DNAH17: variants seen among roughly 807,000 people sequenced by gnomAD.
DNAH17 encodes the protein axonemal beta dynein heavy chain 17.
In DNAH17, 376 loss-of-function variants were observed where a neutral mutation model predicts 485.6. That is an observed-to-expected ratio of 0.77 (90% confidence interval 0.71 to 0.84). The LOEUF is 0.84. Ranked by LOEUF, DNAH17 falls within the 40% of genes least tolerant of loss-of-function variation. The probability of loss-of-function intolerance (pLI) is 0.00; values close to 1 mark genes in which losing one functional copy is unlikely to be tolerated. For synonymous variants in DNAH17, 3,031 were observed against 2,405.9 expected (o/e 1.26, Z -7.60); for missense variants, 6,370 against 5,839.3 (o/e 1.09, Z -2.96).
chr17:78,433,817 G>A (rs1184923748), intron 75 of DNAH17, among the ~76,000 whole-genome samples: 2 of 152,102 alleles, frequency 1.3e-5, no homozygotes, highest in African/African-American at 4.8e-5. Flanking sequence ...AATTACAGCA[G>A]GCTGGAGAGA....
chr17:78,441,159 C>T lies in DNAH17; in HGVS notation c.11569G>A (p.Gly3857Ser). The T allele has an allele frequency of 6.2e-7, 1 of 1,613,928 alleles. No homozygotes were observed. Among genetic ancestry groups the T allele is most frequent in the Non-Finnish European group, 8.5e-7 (1 of 1,179,884 alleles). The stretch of plus-strand genomic sequence containing the variant: ...GACTTAGAAAACTCAACACTCCGGC[C>T]TTCCACGAACTTGCTGCCCATCTTT... ...EEKMGSKFVE[G>S]RSVEFSKSYE... The change falls in exon 72 of 81, where the codon GGC (glycine) becomes AGC (serine). Residue 3857 changes from glycine to serine, a missense_variant. Physicochemically the swap from Gly to Ser is moderately conservative, Grantham distance 56. Coordinates refer to ENST00000389840, the MANE Select transcript of DNAH17 (RefSeq NM_173628.4).
intron 44 of DNAH17, among the ~76,000 whole-genome samples, chr17:78,487,155 G>A (rs575569797): frequency 2.0e-5 from 3 of 152,192 alleles, no homozygotes; most frequent in East Asian, 3.9e-4. Context: ...ACGGCGGTGA[G>A]GGGTGTGGAC....
Position 78,458,424 on chromosome 17 carries a change from T to C in DNAH17, c.9977+141A>G, listed in dbSNP as rs1454080289. 12 of 686,488 alleles carry C rather than the reference T, an allele frequency of 1.7e-5. No homozygotes were observed. In the Admixed American group the frequency reaches 3.2e-4, roughly 18 times the overall value. The allele number at this position is 686,488 out of a possible 1,614,324, so 42.5% of individuals were successfully genotyped here. A position where few individuals can be genotyped will look rare whatever the true frequency, so the allele number is the denominator to read the frequency against. ...GCAAGAGGCCAAGTTTTATCCTAAT[T>C]ACTTTGAGCTCAAGAAGTGAAAGTG... On this transcript the variant is annotated intron_variant, in intron 62 of 80. Coordinates refer to ENST00000389840, the MANE Select transcript of DNAH17 (RefSeq NM_173628.4).
chr17:78,459,321 G>A (rs2087973542), intron 60 of DNAH17, 113 bp from the exon 61 acceptor site: 1 of 1,019,262 alleles, frequency 9.8e-7, no homozygotes, highest in Non-Finnish European at 1.5e-6. Context: ...GGGCAGCGCT[G>A]GGATTCACAC....
intron 58 of DNAH17, among the ~76,000 whole-genome samples, chr17:78,460,960 A>G (rs2088089920): frequency 1.3e-5 from 2 of 152,156 alleles, no homozygotes; most frequent in South Asian, 4.1e-4. Context: ...TGATGACAAA[A>G]AAAGCACCCA....
intron 19 of DNAH17, among the ~76,000 whole-genome samples, chr17:78,534,115 C>G (rs554512785): frequency 2.8e-4 from 42 of 152,382 alleles, no homozygotes; most frequent in African/African-American, 8.2e-4. Flanking sequence ...GCAAACCAGC[C>G]GACCCTCAAC....
At chr17:78,448,641 C>T (rs1390917273) in intron 69 of DNAH17, among the ~76,000 whole-genome samples, 1 of 152,196 alleles carries the variant, frequency 6.6e-6, no homozygotes, top group African/African-American at 2.4e-5. Context: ...CCCCAAAAAG[C>T]ATATGTTGGA....
intron 49 of DNAH17, 54 bp from the exon 50 acceptor site, chr17:78,479,686 G>A: frequency 6.2e-7 from 1 of 1,601,662 alleles, no homozygotes; most frequent in South Asian, 1.1e-5. Context: ...GACCTGCCTG[G>A]GGCCAGGGCC....
chr17:78,471,825 T>C (rs2146578587), intron 54 of DNAH17, among the ~76,000 whole-genome samples: 1 of 152,282 alleles, frequency 6.6e-6, no homozygotes, highest in Non-Finnish European at 1.5e-5. Context: ...CGTCCTCTTA[T>C]GCTGCTGAGG....
intron 71 of DNAH17, 38 bp downstream of exon 71, chr17:78,444,566 C>A (rs2146470521): frequency 2.0e-6 from 3 of 1,518,492 alleles, no homozygotes; most frequent in Non-Finnish European, 2.6e-6. Context: ...CAGGCCTGGG[C>A]CTCGGGGGCG....
intron 16 of DNAH17, among the ~76,000 whole-genome samples, chr17:78,547,081 C>A (rs1179245336): frequency 3.3e-5 from 5 of 152,138 alleles, no homozygotes; most frequent in African/African-American, 1.2e-4. Flanking sequence ...TTGCTTTTGA[C>A]TTTGGAATGT....
At chr17:78,462,250 TGGTAGGGG>T (rs1255846320) in intron 57 of DNAH17, among the ~76,000 whole-genome samples, 1 of 9,692 alleles carries the variant, frequency 1.0e-4, no homozygotes, top group Non-Finnish European at 2.0e-4. Flanking sequence ...AGCGAGAGTT[TGGTAGGGG>T]GGTGGGGGGG....
At chr17:78,530,183 T>G (rs1369042937) in intron 21 of DNAH17, among the ~76,000 whole-genome samples, 160 bp downstream of exon 21, 1 of 152,234 alleles carries the variant, frequency 6.6e-6, no homozygotes, top group Non-Finnish European at 1.5e-5. Context: ...GTGACACCTT[T>G]CTGCTCACGC....
At chr17:78,497,842 G>A (rs1218451217) in intron 37 of DNAH17, among the ~76,000 whole-genome samples, 1 of 152,182 alleles carries the variant, frequency 6.6e-6, no homozygotes, top group African/African-American at 2.4e-5. Context: ...GGTTAAGTTG[G>A]TGTATAAAGC....
rs970799853 is a variant in DNAH17, at chr17:78,505,314, C to G, written c.4935G>C (p.Gln1645His). The G allele has an allele frequency of 1.5e-5, 24 of 1,613,984 alleles. No homozygotes were observed. The African/African-American group carries it at 1.7e-4, about 12-fold the overall frequency. The change falls in exon 31 of 81, where the codon CAG becomes CAC. Residue 1645 changes from glutamine (Q) to histidine (H), a missense_variant. Physicochemically the swap from Gln to His is conservative, Grantham distance 24 (BLOSUM62 0). Transcript: ENST00000389840. ...SKEDEYMVFD[Q>H]ECDLSGQVEV... ...TCACCTGCCCCGAGAGGTCGCATTC[C>G]TGATCAAAAACCATGTACTCGTCCT... is the stretch of plus-strand genomic sequence containing the variant.
At chr17:78,520,567 T>C (rs2090908414) in intron 25 of DNAH17, among the ~76,000 whole-genome samples, 1 of 152,220 alleles carries the variant, frequency 6.6e-6, no homozygotes, top group Non-Finnish European at 1.5e-5. Flanking sequence ...CATTTGTATA[T>C]ACCCAAACAA....
chr17:78,454,695 G>C lies in DNAH17; in HGVS notation c.10181C>G (p.Pro3394Arg). 6.2e-7 allele frequency: 1 copy of C among 1,612,074 alleles called. No homozygotes were observed. Among genetic ancestry groups the C allele is most frequent in the Non-Finnish European group, 8.5e-7 (1 of 1,179,798 alleles). Residue 3394 changes from proline to arginine, a missense_variant, in exon 64 of 81, where the codon CCG becomes CGG. By Grantham distance (103) the Pro-to-Arg change is moderately radical (BLOSUM62 -2). Coordinates refer to ENST00000389840, the MANE Select transcript of DNAH17 (RefSeq NM_173628.4). The part of the protein sequence containing the change: ...PYIHNLKVPI[P>R]ITNGLDPLSL... ...CAAGGGATCCAGGCCATTCGTGATC[G>C]GGATGGGGACCTGCCCAGGGAGGCA...
chr17:78,486,433 A>G lies in DNAH17; in HGVS notation c.6892T>C (p.Tyr2298His). 2 of 1,613,724 alleles carry G rather than the reference A, an allele frequency of 1.2e-6. No individual in the cohort carries two copies. The highest frequency in any genetic ancestry group is 1.7e-6 in the Non-Finnish European group (2 of 1,179,884). ...AACTTGTCCAGGCACGTGGGCAGGTACTTGTCAAAGAGGATCATCAGGTTG... is the reference window on the plus strand; with the variant it reads ...AACTTGTCCAGGCACGTGGGCAGGTGCTTGTCAAAGAGGATCATCAGGTTG... ...KANLMILFDK[Y>H]LPTCLDKLRF... The change falls in exon 45 of 81, where the codon TAC becomes CAC. Residue 2298 changes from tyrosine to histidine, a missense_variant. Physicochemically the swap from Tyr to His is moderately conservative, Grantham distance 83. Coordinates refer to ENST00000389840, the MANE Select transcript of DNAH17 (RefSeq NM_173628.4).
At chr17:78,485,518 G>A (rs759562610) in intron 47 of DNAH17, 32 bp downstream of exon 47, 7 of 1,534,660 alleles carry the variant, frequency 4.6e-6, no homozygotes, top group Admixed American at 2.0e-5. Context: ...GGGGGCAGCC[G>A]GGTAGGCAGG....
Sources: gnomAD v4.1 joint callset for allele counts (sites outside exome capture counted in the v4.1 genomes callset) on GRCh38, gnomAD v4.1.1 for gene constraint, MANE v1.5 for transcripts, NCBI Gene and HGNC (gene_info 2026-07-23, HGNC 2026-07-21) for gene names.